IQUB: variants seen among roughly 807,000 people sequenced by gnomAD.
IQUB encodes the protein IQ motif and ubiquitin-like domain-containing protein.
In IQUB, 86 loss-of-function variants were observed where a neutral mutation model predicts 86.4. That is an observed-to-expected ratio of 1.00 (90% CI 0.84 to 1.19). IQUB has a LOEUF of 1.19. Among genes scored for constraint, IQUB ranks in the 50% most tolerant of loss-of-function variants. The pLI, the probability that IQUB is intolerant of heterozygous loss-of-function variation, is 0.00. For missense variants in IQUB, 946 were observed against 916.9 expected, an observed-to-expected ratio of 1.03 and a Z score of -0.41; for synonymous variants, 289 against 304.5, an observed-to-expected ratio of 0.95 and a Z score of 0.53.
intron 1 of IQUB, among the ~76,000 whole-genome samples, chr7:123,518,583 C>G (rs942077625): frequency 6.6e-6 from 1 of 152,076 alleles, no homozygotes; most frequent in Admixed American, 6.6e-5. Flanking sequence ...TATGTTTCCT[C>G]TGTCAGAAAT....
chr7:123,532,829 C>T (rs1398379889), intron 1 of IQUB: 1 of 152,302 alleles, frequency 6.6e-6, no homozygotes, highest in Non-Finnish European at 1.5e-5. Context: ...CCTGCGAGCC[C>T]CGTCCCGGGC....
chr7:123,516,693 G>A (rs1796652273), intron 1 of IQUB, among the ~76,000 whole-genome samples: 1 of 152,144 alleles, frequency 6.6e-6, no homozygotes, highest in African/African-American at 2.4e-5. Context: ...GTAGGAAGTA[G>A]CCAGAACAAG....
chr7:123,476,533 G>A (rs1438288349), intron 8 of IQUB, among the ~76,000 whole-genome samples: 2 of 152,120 alleles, frequency 1.3e-5, no homozygotes, highest in African/African-American at 4.8e-5. Context: ...AGGGCAGTGA[G>A]GAAGGACAGG....
intron 7 of IQUB, among the ~76,000 whole-genome samples, chr7:123,483,218 A>C (rs550343413): frequency 6.6e-6 from 1 of 152,158 alleles, no homozygotes; most frequent in East Asian, 1.9e-4. Context: ...AGGTTTACAT[A>C]GCTTTAGCTT....
intron 1 of IQUB, chr7:123,532,412 G>T (rs1488524592): frequency 6.6e-6 from 1 of 152,074 alleles, no homozygotes; most frequent in Non-Finnish European, 1.5e-5. Flanking sequence ...AGTTCTGCCT[G>T]ATTCTAAACT....
chr7:123,517,530 CAAAAAAAAAAA>C (rs374712007), intron 1 of IQUB, among the ~76,000 whole-genome samples: 18 of 22,454 alleles, frequency 8.0e-4, no homozygotes, highest in African/African-American at 1.0e-3. Flanking sequence ...GACTCCATCT[CAAAAAAAAAAA>C]AAAAAAAAAA....
intron 1 of IQUB, among the ~76,000 whole-genome samples, chr7:123,513,443 A>G (rs534051303): frequency 4.3e-4 from 66 of 152,310 alleles, no homozygotes; most frequent in African/African-American, 1.5e-3. Context: ...TGCTAAGCAT[A>G]TATTTTGTTG....
At chr7:123,509,628 A>T (rs1007714190) in intron 3 of IQUB, among the ~76,000 whole-genome samples, 5 of 152,166 alleles carry the variant, frequency 3.3e-5, no homozygotes, top group Non-Finnish European at 5.9e-5. Context: ...TACACATTAC[A>T]TGGTAGCTAC....
chr7:123,531,636 G>C (rs1797540558), intron 1 of IQUB, among the ~76,000 whole-genome samples: 1 of 152,144 alleles, frequency 6.6e-6, no homozygotes, highest in South Asian at 2.1e-4. Flanking sequence ...AAACTCCACT[G>C]ACCGTCAGGT....
intron 7 of IQUB, among the ~76,000 whole-genome samples, chr7:123,493,417 T>C (rs936549575): frequency 1.3e-5 from 2 of 152,154 alleles, no homozygotes; most frequent in Admixed American, 1.3e-4. Context: ...TTTACTTGGT[T>C]TGTAAATTCT....
Position 123,456,344 on chromosome 7 carries a change from T to G in IQUB, c.2193+1037A>C, listed in dbSNP as rs113984216. 9.1e-3 allele frequency among the ~76,000 whole-genome samples: 1,392 copies of G among 152,188 alleles called. 16 individuals carry two copies. The highest frequency in any genetic ancestry group is 0.048 in the South Asian group (230 of 4,822). On this transcript the variant is annotated intron_variant, in intron 12 of 12. Transcript: ENST00000324698. ...CCTAGATGAAATGATATTGCTAGTA[T>G]TGACTATGCTTCCTGTGATTAAATA...
chr7:123,458,875 A>G (rs1459740154), intron 11 of IQUB, among the ~76,000 whole-genome samples: 3 of 151,918 alleles, frequency 2.0e-5, no homozygotes, highest in Non-Finnish European at 4.4e-5. Flanking sequence ...ACAACACTCA[A>G]ATCTCTTGTC....
intron 1 of IQUB, among the ~76,000 whole-genome samples, chr7:123,519,954 G>T (rs1020598383): frequency 7.6e-6 from 1 of 131,746 alleles, no homozygotes; most frequent in Admixed American, 8.1e-5. Context: ...AAAAGCATTG[G>T]CCATGGCTGA....
chr7:123,513,427 T>A (rs999517176), intron 1 of IQUB, among the ~76,000 whole-genome samples: 1 of 152,186 alleles, frequency 6.6e-6, no homozygotes, highest in Non-Finnish European at 1.5e-5. Flanking sequence ...AAGCCTAGCA[T>A]GTTTTTGCTA....
At chr7:123,461,189 T>A (rs1375502830) in intron 11 of IQUB, among the ~76,000 whole-genome samples, 168 bp downstream of exon 11, 1 of 151,676 alleles carries the variant, frequency 6.6e-6, no homozygotes, top group Non-Finnish European at 1.5e-5. Context: ...AGAGGTATAA[T>A]GGTGAGCAGG....
chr7:123,492,189 T>C (rs1795503353), intron 7 of IQUB, among the ~76,000 whole-genome samples: 1 of 152,224 alleles, frequency 6.6e-6, no homozygotes, highest in African/African-American at 2.4e-5. Context: ...ATTTCTGTTA[T>C]TTATATATAT....
At position 123,496,886 on chromosome 7, in the gene IQUB, G is replaced by C; in HGVS notation, c.1044C>G (p.Tyr348Ter). 2 of 1,610,160 alleles carry C rather than the reference G, an allele frequency of 1.2e-6. No individual in the cohort carries two copies. Among genetic ancestry groups the C allele is most frequent in the South Asian group, 2.2e-5 (2 of 90,846 alleles). ...AGATTTTAGCATGCCATTGCCTGTAGTAAGTCTGTATCACTATCACCTATA... is the reference window on the plus strand; with the variant it reads ...AGATTTTAGCATGCCATTGCCTGTACTAAGTCTGTATCACTATCACCTATA... ...RLKAVIVIQT[Y>*]YRQWHAKIFV... The change falls in exon 7 of 13, where the codon TAC becomes TAG. Residue 348 changes from tyrosine (Y) to a stop codon, truncating the protein, a stop_gained. Transcript: ENST00000324698. LOFTEE classifies it high-confidence loss of function.
intron 1 of IQUB, among the ~76,000 whole-genome samples, chr7:123,523,236 G>GT (rs998101524): frequency 1.3e-4 from 17 of 129,980 alleles, no homozygotes; most frequent in Non-Finnish European, 2.2e-4. Context: ...GGATGGCTGG[G>GT]TCAATGGTAT....
intron 10 of IQUB, chr7:123,462,889 G>A (rs988125848): frequency 2.7e-5 from 12 of 451,866 alleles, no homozygotes; most frequent in African/African-American, 2.4e-4. Context: ...ATGACAGAGG[G>A]CTCCATTTAA....
Sources: gnomAD v4.1 joint callset for allele counts (sites outside exome capture counted in the v4.1 genomes callset) on GRCh38, gnomAD v4.1.1 for gene constraint, MANE v1.5 for transcripts, NCBI Gene and HGNC (gene_info 2026-07-23, HGNC 2026-07-21) for gene names.